Variants in SCFD1 observed in about 807,000 individuals in gnomAD.
The protein encoded by SCFD1 is sec1 family domain-containing protein 1.
Under a neutral mutation model 103.2 loss-of-function variants are expected in SCFD1, and 37 were observed. The observed-to-expected ratio is 0.36, with a 90% CI of 0.28 to 0.47. SCFD1 has a LOEUF of 0.47. Ranked by LOEUF, SCFD1 falls within the 20% of genes least tolerant of loss-of-function variation. The probability of loss-of-function intolerance (pLI) is 1.00; values close to 1 mark genes in which losing one functional copy is unlikely to be tolerated. For missense variants in SCFD1, 639 were observed against 761.2 expected (o/e 0.84, Z 1.89); for synonymous variants, 264 against 245.0 (o/e 1.08, Z -0.73).
chr14:30,638,633 T>C (rs1212032477), intron 5 of SCFD1, among the ~76,000 whole-genome samples: 4 of 152,192 alleles, frequency 2.6e-5, no homozygotes, highest in African/African-American at 9.7e-5. Flanking sequence ...TATTTCCAGA[T>C]ATTTTTTTTA....
chr14:30,654,474 G>A (rs567585713), intron 10 of SCFD1, among the ~76,000 whole-genome samples: 1 of 152,326 alleles, frequency 6.6e-6, no homozygotes, highest in Non-Finnish European at 1.5e-5. Flanking sequence ...AGGAGCTAAA[G>A]ACCAGCCTGG....
At chr14:30,709,354 G>A (rs1891703280) in intron 19 of SCFD1, among the ~76,000 whole-genome samples, 1 of 152,148 alleles carries the variant, frequency 6.6e-6, no homozygotes, top group African/African-American at 2.4e-5. Flanking sequence ...CTGGAGTGCA[G>A]TGATGCTAGC....
chr14:30,690,585 C>T (rs1193738941), intron 14 of SCFD1, among the ~76,000 whole-genome samples: 3 of 139,162 alleles, frequency 2.2e-5, no homozygotes, highest in Admixed American at 7.1e-5. Context: ...CAGGTGCGTC[C>T]GTCACCCCTT....
intron 18 of SCFD1, among the ~76,000 whole-genome samples, chr14:30,706,552 G>A (rs1891481689): frequency 6.6e-6 from 1 of 152,090 alleles, no homozygotes; most frequent in Admixed American, 6.5e-5. Context: ...TACCAATGTT[G>A]ATAACTAATA....
chr14:30,723,738 T>G (rs576255203), intron 23 of SCFD1, among the ~76,000 whole-genome samples: 2 of 152,374 alleles, frequency 1.3e-5, no homozygotes, highest in African/African-American at 2.4e-5. Flanking sequence ...TTATTCTTTT[T>G]TATGCCTGCA....
intron 17 of SCFD1, among the ~76,000 whole-genome samples, chr14:30,703,093 T>C (rs1235149505): frequency 6.6e-6 from 1 of 152,024 alleles, no homozygotes; most frequent in Non-Finnish European, 1.5e-5. Context: ...TTCATTGATT[T>C]GTTTAATAAA....
intron 14 of SCFD1, among the ~76,000 whole-genome samples, chr14:30,678,973 A>C (rs1455666044): frequency 6.6e-6 from 1 of 152,220 alleles, no homozygotes; most frequent in Non-Finnish European, 1.5e-5. Flanking sequence ...CTTGTTGGCA[A>C]TGCTAGCTTT....
chr14:30,677,744 G>T (rs1260234569), intron 14 of SCFD1, among the ~76,000 whole-genome samples: 1 of 146,344 alleles, frequency 6.8e-6, no homozygotes, highest in Non-Finnish European at 1.5e-5. Context: ...GAAATATTTT[G>T]CTCCGTAATC....
At chr14:30,667,371 C>A (rs1008195951) in intron 10 of SCFD1, among the ~76,000 whole-genome samples, 9 of 151,982 alleles carry the variant, frequency 5.9e-5, no homozygotes, top group East Asian at 1.9e-4. Context: ...CATGCTAAAA[C>A]CTCTCAATAA....
intron 10 of SCFD1, among the ~76,000 whole-genome samples, chr14:30,660,305 A>G (rs928109414): frequency 6.6e-6 from 1 of 151,990 alleles, no homozygotes; most frequent in African/African-American, 2.4e-5. Context: ...CTGTAAACTA[A>G]TTGATTGTGG....
intron 14 of SCFD1, among the ~76,000 whole-genome samples, chr14:30,679,578 CAAAG>C (rs1001225999): frequency 8.6e-5 from 13 of 151,928 alleles, no homozygotes; most frequent in Admixed American, 6.6e-4. Context: ...TCTCTGTACT[CAAAG>C]AAGAAGTCTT....
chr14:30,720,769 A>G (rs902310321), intron 21 of SCFD1, among the ~76,000 whole-genome samples: 4 of 152,128 alleles, frequency 2.6e-5, no homozygotes, highest in African/African-American at 9.7e-5. Context: ...TGCAAACACT[A>G]CACCATTTTA....
rs377497996 is a variant in SCFD1 at position 30,643,384 on chromosome 14, T to C, written c.592T>C (p.Phe198Leu). The C allele has an allele frequency of 6.8e-6, 11 of 1,612,632 alleles. No individual in the cohort carries two copies. Among genetic ancestry groups the C allele is most frequent in the Non-Finnish European group, 8.5e-6 (10 of 1,178,808 alleles). Residue 198 changes from phenylalanine to leucine, a missense_variant, in exon 7 of 25, where the codon TTC (phenylalanine) becomes CTC (leucine). By Grantham distance (22) the Phe-to-Leu change is conservative. Transcript: ENST00000458591. ...TVMDTIVDSLFCFFVTLGAVP... is the reference protein window; with the variant it reads ...TVMDTIVDSLLCFFVTLGAVP... The stretch of plus-strand genomic sequence containing the variant: ...TATGGACACTATAGTTGACAGCCTC[T>C]TCTGCTTTTTTGTTACTCTGGGTAA...
At chr14:30,637,082 G>A (rs1884798962) in intron 4 of SCFD1, among the ~76,000 whole-genome samples, 1 of 151,958 alleles carries the variant, frequency 6.6e-6, no homozygotes, top group African/African-American at 2.4e-5. Context: ...TAGGCATTAG[G>A]TATATTCATT....
chr14:30,645,896 G>A (rs1373217771), intron 7 of SCFD1, among the ~76,000 whole-genome samples: 2 of 152,278 alleles, frequency 1.3e-5, no homozygotes, highest in Non-Finnish European at 2.9e-5. Flanking sequence ...TCTTATTCAA[G>A]TTCTCAGGGG....
chr14:30,644,006 C>T (rs775487606), intron 7 of SCFD1: 25 of 456,368 alleles, frequency 5.5e-5, no homozygotes, highest in Non-Finnish European at 9.3e-5. Flanking sequence ...TGACCCTCAT[C>T]CTCTATGCTC....
intron 10 of SCFD1, among the ~76,000 whole-genome samples, chr14:30,665,750 A>G (rs973604307): frequency 6.6e-6 from 1 of 151,848 alleles, no homozygotes; most frequent in Non-Finnish European, 1.5e-5. Context: ...ATCCTAGTCT[A>G]TGATAAAAGA....
intron 15 of SCFD1, among the ~76,000 whole-genome samples, chr14:30,697,515 C>T (rs1458121965): frequency 6.6e-6 from 1 of 152,092 alleles, no homozygotes; most frequent in Non-Finnish European, 1.5e-5. Flanking sequence ...AGTAACGGTG[C>T]GGTGGAGAAG....
chr14:30,664,397 AC>A lies in SCFD1; in HGVS notation c.856-5857del, dbSNP rs550575085. ...CACACCAAAACTGCATCTGTAGGTC[AC>A]CATCATCAAAGACCAAAGGTAGATA... On this transcript the variant is annotated intron_variant, in intron 10 of 24. Transcript: ENST00000458591. 2.6e-3 allele frequency among the ~76,000 whole-genome samples: 403 copies of A among 152,316 alleles called. 2 individuals are homozygous for A. Among genetic ancestry groups the A allele is most frequent in the South Asian group, 6.0e-3 (29 of 4,830 alleles).
Sources: allele counts gnomAD v4.1 joint callset (sites outside exome capture counted in the v4.1 genomes callset), GRCh38; gene constraint gnomAD v4.1.1; transcripts MANE v1.5; gene names NCBI Gene and HGNC (gene_info 2026-07-23, HGNC 2026-07-21).